Variants in HHATL observed in about 807,000 individuals in gnomAD.
The protein encoded by HHATL is protein-cysteine N-palmitoyltransferase HHAT-like protein.
Under a neutral mutation model 59.7 loss-of-function variants are expected in HHATL, and 49 were observed. The observed-to-expected ratio is 0.82, with a 90% confidence interval of 0.65 to 1.04. The LOEUF is 1.04. HHATL is among the 50% of genes least tolerant of loss of function. The pLI, the probability that HHATL is intolerant of heterozygous loss-of-function variation, is 0.00. For missense variants in HHATL, 605 were observed against 650.8 expected (o/e 0.93, Z 0.77); for synonymous variants, 238 against 257.3 (o/e 0.93, Z 0.72).
At position 42,701,004 on chromosome 3, in the gene HHATL, C is replaced by T. The variant is rs553345540; in HGVS notation, c.-13-165G>A. ...GCCTGCCCCTGTGCCCCCCACAGTT[C>T]ACAGGCCACCGAACACCAGTGCCCC... On this transcript the variant is annotated intron_variant, in intron 1 of 11. Coordinates refer to ENST00000441594, the MANE Select transcript of HHATL (RefSeq NM_020707.4). The surrounding 1 kb of genome is among the most constrained non-coding windows in gnomAD (Gnocchi z 5.1). The T allele has an allele frequency of 7.5e-5, 44 of 589,392 alleles. No homozygotes were observed. The highest frequency in any genetic ancestry group is 7.1e-4 in the African/African-American group (38 of 53,762). The allele number at this position is 589,392 out of a possible 1,614,324, so 36.5% of individuals were successfully genotyped here. A position where few individuals can be genotyped will look rare whatever the true frequency, so the allele number is the denominator to read the frequency against.
Position 42,699,047 on chromosome 3 carries a change from C to A in HHATL, c.273G>T (p.Thr91=). The A allele has an allele frequency of 6.2e-7, 1 of 1,614,142 alleles. No homozygotes were observed. Among genetic ancestry groups the A allele is most frequent in the Non-Finnish European group, 8.5e-7 (1 of 1,179,988 alleles). ...TCCAGCTCACCTTTGGGGCAACCAT[C>A]GTGCAGAGTTTAGCAAACAGCACAT... ...SGHVLFAKLC[T]MVAPKLRSWM... The change falls in exon 4 of 12, where the codon ACG becomes ACT. Residue 91 remains threonine, a synonymous_variant. Coordinates refer to ENST00000441594, the MANE Select transcript of HHATL (RefSeq NM_020707.4).
chr3:42,697,806 G>A (rs988506644), intron 6 of HHATL, 127 bp from the exon 7 acceptor site: 23 of 978,182 alleles, frequency 2.4e-5, no homozygotes, highest in Admixed American at 1.1e-4. Context: ...GCCTGAGGGT[G>A]GAGACAGAGG....
Position 42,698,290 on chromosome 3 carries a change from A to T in HHATL, c.545T>A (p.Phe182Tyr), listed in dbSNP as rs1697739697. 6.2e-7 allele frequency: 1 copy of T among 1,614,036 alleles called. No homozygotes were observed. Among genetic ancestry groups the T allele is most frequent in the Non-Finnish European group, 8.5e-7 (1 of 1,179,966 alleles). The change falls in exon 6 of 12, where the codon TTC (phenylalanine) becomes TAC (tyrosine). Residue 182 changes from phenylalanine (F) to tyrosine (Y), a missense_variant. Phe to Tyr is a conservative substitution (Grantham distance 22). Transcript: ENST00000441594. The part of the protein sequence containing the change: ...QEVLFHGGSS[F>Y]TVLRCTSFAL... ...AAAGCTGGTGCAACGCAGCACTGTG[A>T]AGCTGCTGCCCCCATGAAACAGCAC...
Position 42,699,747 on chromosome 3 carries a change from G to T in HHATL, c.174+11C>A, listed in dbSNP as rs1032855732. On this transcript the variant is annotated intron_variant, in intron 3 of 11. Transcript: ENST00000441594. ...CGGGATGGGAGGGACCCTGGGATGT[G>T]GGGGACCTACCATCTTCCGGCCAAT... 17 of 1,574,432 alleles carry T rather than the reference G, an allele frequency of 1.1e-5. No individual in the cohort carries two copies. Among genetic ancestry groups the T allele is most frequent in the Non-Finnish European group, 1.4e-5 (16 of 1,158,826 alleles).
chr3:42,693,241 G>C, intron 10 of HHATL, 23 bp from the exon 11 acceptor site: 1 of 1,611,854 alleles, frequency 6.2e-7, no homozygotes, highest in Non-Finnish European at 8.5e-7. Flanking sequence ...GGAAAGCATG[G>C]GCAGCGGGAC....
rs1056662803 is a variant in HHATL at position 42,693,092 on chromosome 3, G to T, written c.1375C>A (p.Arg459Ser). Residue 459 changes from arginine (R) to serine (S), a missense_variant, in exon 11 of 12, where the codon CGC becomes AGC. Transcript: ENST00000441594. ...TGTCCCTCACCTGTGAGTAGCAGGC[G>T]CCGGGCAACCAGCTCTGTGAATTTG... The part of the protein sequence containing the change: ...SLKFTELVAR[R>S]LLLTGFPQTT... 2.5e-6 allele frequency: 4 copies of T among 1,614,008 alleles called. No homozygotes were observed. The highest frequency in any genetic ancestry group is 2.2e-5 in the East Asian group (1 of 44,892).
At position 42,692,847 on chromosome 3, in the gene HHATL, C is replaced by T. The variant is rs1697408463; in HGVS notation, c.1419G>A (p.Leu473=). 2 of 1,614,212 alleles carry T rather than the reference C, an allele frequency of 1.2e-6. No individual in the cohort carries two copies. The highest frequency in any genetic ancestry group is 1.7e-5 in the Admixed American group (1 of 60,030). The change falls in exon 12 of 12, where the codon CTG becomes CTA. Residue 473 remains leucine (L), a synonymous_variant. Coordinates refer to ENST00000441594, the MANE Select transcript of HHATL (RefSeq NM_020707.4). The stretch of plus-strand genomic sequence containing the variant: ...GCTGGACGCCACAGTAGGTGACAAA[C>T]AGGATGGACAGCGTGGTCTGGGGGA... ...TGFPQTTLSI[L]FVTYCGVQLV...
chr3:42,698,668 A>G (rs199618766), intron 5 of HHATL, 40 bp downstream of exon 5: 44 of 1,517,130 alleles, frequency 2.9e-5, no homozygotes, highest in Non-Finnish European at 3.7e-5. Context: ...GAGGTTTGGG[A>G]TCTTATCCCT....
At chr3:42,694,804 G>T (rs1326265873) in intron 9 of HHATL, among the ~76,000 whole-genome samples, 1 of 152,168 alleles carries the variant, frequency 6.6e-6, no homozygotes, top group African/African-American at 2.4e-5. Context: ...AGAGAAGCCT[G>T]CCTAGACCCC....
intron 2 of HHATL, among the ~76,000 whole-genome samples, chr3:42,700,373 T>C (rs912515872): frequency 6.6e-6 from 1 of 150,482 alleles, no homozygotes; most frequent in Non-Finnish European, 1.5e-5. Flanking sequence ...TGTGTGTGTG[T>C]GTGTGTCGGG....
In HHATL at chr3:42,702,263, GA is replaced by G. The variant is rs1021533921; in HGVS notation, c.-14+315del. 3.9e-5 allele frequency among the ~76,000 whole-genome samples: 6 copies of G among 152,226 alleles called. No individual in the cohort carries two copies. The South Asian group carries it at 8.3e-4, about 21-fold the overall frequency. ...CAGGAGCTTGAAACCGGAGCATGGTGAAGAGCCCGTGAAATAGCTTTGTCAG... is the reference window on the plus strand; with the variant it reads ...CAGGAGCTTGAAACCGGAGCATGGTGAGAGCCCGTGAAATAGCTTTGTCAG... On this transcript the variant is annotated intron_variant, in intron 1 of 11. Transcript: ENST00000441594.
In HHATL at chr3:42,692,790, C is replaced by T. The variant is rs1559617025; in HGVS notation, c.1476G>A (p.Leu492=). The change falls in exon 12 of 12, where the codon CTG becomes CTA. Residue 492 remains leucine, a synonymous_variant. Coordinates refer to ENST00000441594, the MANE Select transcript of HHATL (RefSeq NM_020707.4). ...LVKERERTLA[L]EEEQKQDKEK... is the part of the protein sequence containing the mutation. ...CTTTGTCCTGCTTCTGCTCCTCCTCCAGTGCCAAGGTTCGCTCACGCTCCT... is the reference window on the plus strand; with the variant it reads ...CTTTGTCCTGCTTCTGCTCCTCCTCTAGTGCCAAGGTTCGCTCACGCTCCT... The T allele has an allele frequency of 1.4e-5, 22 of 1,614,252 alleles. No homozygotes were observed. The highest frequency in any genetic ancestry group is 1.9e-5 in the Non-Finnish European group (22 of 1,180,052).
At chr3:42,693,379 A>T in intron 10 of HHATL, 161 bp from the exon 11 acceptor site, 1 of 929,862 alleles carries the variant, frequency 1.1e-6, no homozygotes, top group Non-Finnish European at 1.6e-6. Context: ...ACATGGGGAA[A>T]CAGGTCCAGA....
In HHATL at chr3:42,693,073, T is replaced by C. The variant is rs1180803218; in HGVS notation, c.1390+4A>G. On this transcript the variant is annotated splice_donor_region_variant and intron_variant, in intron 11 of 11. Coordinates refer to ENST00000441594, the MANE Select transcript of HHATL (RefSeq NM_020707.4). Reference sequence around the variant, plus strand: ...TTCTGTATCCCCACACCCCTGTCCCTCACCTGTGAGTAGCAGGCGCCGGGC... The same window carrying C: ...TTCTGTATCCCCACACCCCTGTCCCCCACCTGTGAGTAGCAGGCGCCGGGC... The C allele has an allele frequency of 6.2e-7, 1 of 1,614,124 alleles. No individual in the cohort carries two copies. Among genetic ancestry groups the C allele is most frequent in the Non-Finnish European group, 8.5e-7 (1 of 1,179,998 alleles).
chr3:42,698,142 C>T lies in HHATL; in HGVS notation c.693G>A (p.Gln231=), dbSNP rs1697724781. ...AGAAGCCCACAGGGTGTCCCCTCAC[C>T]TGAGCATGGAAGCGATCAAAGGTCA... The part of the protein sequence containing the change: ...PIMTFDRFHA[Q]VSQVEPVRRE... Residue 231 remains glutamine (Q), a splice_region_variant and synonymous_variant, in exon 6 of 12, where the codon CAG becomes CAA. Coordinates refer to ENST00000441594, the MANE Select transcript of HHATL (RefSeq NM_020707.4). The T allele has an allele frequency of 6.2e-7, 1 of 1,613,916 alleles. No individual in the cohort carries two copies. The highest frequency in any genetic ancestry group is 1.3e-5 in the African/African-American group (1 of 74,898).
chr3:42,696,746 AG>A (rs1376742613), intron 9 of HHATL, 95 bp downstream of exon 9: 1 of 1,353,532 alleles, frequency 7.4e-7, no homozygotes, highest in Non-Finnish European at 1.0e-6. Flanking sequence ...CCCCTGGCCC[AG>A]GGGTGATCTT....
chr3:42,692,719 T>C lies in HHATL; in HGVS notation c.*32A>G. On this transcript the variant is annotated 3_prime_UTR_variant, in exon 12 of 12. Coordinates refer to ENST00000441594, the MANE Select transcript of HHATL (RefSeq NM_020707.4). Reference sequence around the variant, plus strand: ...AGGCCCCATCTGGCCCAAGAATAGCTGAGCAGAGCCCATCCCTCTACCCGC... The same window carrying C: ...AGGCCCCATCTGGCCCAAGAATAGCCGAGCAGAGCCCATCCCTCTACCCGC... 1.9e-6 allele frequency: 3 copies of C among 1,614,132 alleles called. No homozygotes were observed. Among genetic ancestry groups the C allele is most frequent in the Non-Finnish European group, 1.7e-6 (2 of 1,179,982 alleles).
At position 42,693,146 on chromosome 3, in the gene HHATL, T is replaced by C; in HGVS notation, c.1321A>G (p.Met441Val). The stretch of plus-strand genomic sequence containing the variant: ...CTGTTCAGGCTCACAAGGTTGTACA[T>C]GATGATGGCCCAGAAGTTCATGGCT... Reference protein sequence around the residue: ...FGAMNFWAIIMYNLVSLNSLK... With the variant: ...FGAMNFWAIIVYNLVSLNSLK... The change falls in exon 11 of 12, where the codon ATG (methionine) becomes GTG (valine). Residue 441 changes from methionine to valine, a missense_variant. Coordinates refer to ENST00000441594, the MANE Select transcript of HHATL (RefSeq NM_020707.4). 6.2e-7 allele frequency: 1 copy of C among 1,614,138 alleles called. No individual in the cohort carries two copies. The highest frequency in any genetic ancestry group is 8.5e-7 in the Non-Finnish European group (1 of 1,180,014).
chr3:42,695,188 C>T (rs1215236486), intron 9 of HHATL, among the ~76,000 whole-genome samples: 1 of 152,186 alleles, frequency 6.6e-6, no homozygotes, highest in Non-Finnish European at 1.5e-5. Context: ...TGAAAGTTCA[C>T]TCCTTTCTAA....
Sources: allele counts gnomAD v4.1 joint callset (sites outside exome capture counted in the v4.1 genomes callset), GRCh38; gene constraint gnomAD v4.1.1; non-coding constraint Gnocchi (gnomAD v3.1); transcripts MANE v1.5; gene names NCBI Gene and HGNC (gene_info 2026-07-23, HGNC 2026-07-21).